Variants in MUC6 observed in about 807,000 individuals in gnomAD.
MUC6 encodes the protein mucin 6, oligomeric mucus/gel-forming (gene/pseudogene).
Under a neutral mutation model 201.5 loss-of-function variants are expected in MUC6, and 188 were observed. The observed-to-expected ratio is 0.93, with a 90% CI of 0.83 to 1.05. The LOEUF is 1.05. MUC6 is among the 50% of genes least tolerant of loss of function. The pLI is 0.00. For synonymous variants in MUC6, 1,228 were observed against 1,389.4 expected (o/e 0.88, Z 2.58); for missense variants, 2,706 against 3,256.9 (o/e 0.83, Z 4.12).
rs561092823 is a variant in MUC6 at position 1,029,721 on chromosome 11, C to G, written c.1016-106G>C. The G allele has an allele frequency of 1.1e-5, 16 of 1,401,982 alleles. No individual in the cohort carries two copies. The Admixed American group carries it at 2.6e-4, about 22-fold the overall frequency. 86.8% of individuals were successfully genotyped at this position (1,401,982 alleles called of 1,614,324 possible). A position where few individuals can be genotyped will look rare whatever the true frequency, so the allele number is the denominator to read the frequency against. ...CCTCCAGCCTGGCTCCAGGGAGACG[C>G]CCCCTCCAGCCTGGCTCCAGGGAGA... On this transcript the variant is annotated intron_variant, in intron 8 of 32. Transcript: ENST00000421673.
intron 29 of MUC6, 112 bp from the exon 30 acceptor site, chr11:1,019,608 C>G: frequency 1.0e-6 from 1 of 984,082 alleles, no homozygotes; most frequent in Non-Finnish European, 1.6e-6. Flanking sequence ...GTCCGGGACT[C>G]AGCCTCCTTG....
chr11:1,025,016 C>T lies in MUC6; in HGVS notation c.3053G>A (p.Arg1018Lys), dbSNP rs1292033382. The T allele has an allele frequency of 6.2e-7, 1 of 1,612,990 alleles. No homozygotes were observed. The highest frequency in any genetic ancestry group is 8.5e-7 in the Non-Finnish European group (1 of 1,179,852). The change falls in exon 24 of 33, where the codon AGG becomes AAG. Residue 1018 changes from arginine (R) to lysine (K), a missense_variant. Physicochemically the swap from Arg to Lys is conservative, Grantham distance 26. Transcript: ENST00000421673. ...NMKDDFETRS[R>K]YVASSELELV... is the part of the protein sequence containing the mutation. ...CTCCAGCTCGCTGGATGCCACGTAC[C>T]TGCTGCGCGTCTCGAAGTCGTCCTT... is the stretch of plus-strand genomic sequence containing the variant.
Position 1,016,044 on chromosome 11 carries a change from TG to T in MUC6, c.6756del (p.Arg2253GlyfsTer40), listed in dbSNP as rs1170991885. 2 of 1,611,536 alleles carry T rather than the reference TG, an allele frequency of 1.2e-6. No homozygotes were observed. The highest frequency in any genetic ancestry group is 8.5e-7 in the Non-Finnish European group (1 of 1,178,332). On this transcript the variant is annotated frameshift_variant, in exon 31 of 33. Transcript: ENST00000421673. LOFTEE classifies it high-confidence loss of function. ...ASSTIAFPST[P>X]RTTASTHTAP... ...GCGGTGTGGGTGCTGGCCGTGGTCC[TG>T]GGCGTGGACGGAAATGCAATGGTGC...
In MUC6 at chr11:1,033,555, C is replaced by T. The variant is rs939101109; in HGVS notation, c.53-480G>A. Among the ~76,000 whole-genome samples the T allele has an allele frequency of 2.6e-4, 39 of 150,648 alleles. No individual in the cohort carries two copies. Among genetic ancestry groups the T allele is most frequent in the African/African-American group, 8.8e-4 (36 of 40,910 alleles). On this transcript the variant is annotated intron_variant, in intron 1 of 32. Transcript: ENST00000421673. This position sits in a 1 kb window ranked among gnomAD's most constrained non-coding sequence, Gnocchi z 5.6. ...CCCTGCTCTCGGTGGCTCCGGGGCT[C>T]TAAACATGGCCGCTTTCCTGCACGT...
chr11:1,030,391 C>T, intron 7 of MUC6, 56 bp from the exon 8 acceptor site: 1 of 1,510,604 alleles, frequency 6.6e-7, no homozygotes. Flanking sequence ...CCCTCCCTGC[C>T]CCACCCCAGC....
chr11:1,025,699 C>T (rs1856939851), intron 22 of MUC6, 106 bp downstream of exon 22: 1 of 1,101,198 alleles, frequency 9.1e-7, no homozygotes, highest in Non-Finnish European at 1.3e-6. Flanking sequence ...GCGGGGAGGG[C>T]TGCATCTCGG....
Position 1,036,485 on chromosome 11 carries a change from C to T in MUC6, c.52+119G>A, listed in dbSNP as rs945764224. 4.2e-6 allele frequency: 5 copies of T among 1,183,258 alleles called. No individual in the cohort carries two copies. In the South Asian group the frequency reaches 7.6e-5, roughly 18 times the overall value. The allele number at this position is 1,183,258 out of a possible 1,614,324, so 73.3% of individuals were successfully genotyped here. On this transcript the variant is annotated intron_variant, in intron 1 of 32. Coordinates refer to ENST00000421673, the MANE Select transcript of MUC6 (RefSeq NM_005961.3). Reference sequence around the variant, plus strand: ...GGTCACGGAGCCGAGCTGGGGCCTCCCGTCCATCAGCGTCCATGTGGGCCA... The same window carrying T: ...GGTCACGGAGCCGAGCTGGGGCCTCTCGTCCATCAGCGTCCATGTGGGCCA...
At position 1,031,808 on chromosome 11, in the gene MUC6, C is replaced by A. The variant is rs1383424795; in HGVS notation, c.356+5G>T. ...AGCCCCCGGGCCCCGGCCCACCTGA[C>A]CTACCCGATGTCCTTGACTGAGATG... On this transcript the variant is annotated splice_donor_5th_base_variant and intron_variant, in intron 3 of 32. Coordinates refer to ENST00000421673, the MANE Select transcript of MUC6 (RefSeq NM_005961.3). 6.3e-7 allele frequency: 1 copy of A among 1,596,296 alleles called. No individual in the cohort carries two copies. The highest frequency in any genetic ancestry group is 1.1e-5 in the South Asian group (1 of 88,610).
intron 8 of MUC6, 27 bp downstream of exon 8, chr11:1,030,186 A>G (rs760512343): frequency 5.2e-6 from 8 of 1,546,392 alleles, no homozygotes; most frequent in Admixed American, 2.0e-5. Flanking sequence ...GGTCCCGGGG[A>G]GAGAGAGTGC....
Position 1,033,090 on chromosome 11 carries a change from C to G in MUC6, c.53-15G>C. 2 of 1,613,110 alleles carry G rather than the reference C, an allele frequency of 1.2e-6. No individual in the cohort carries two copies. The highest frequency in any genetic ancestry group is 2.2e-5 in the East Asian group (1 of 44,868). ...GTTAGCCAGACCTGTGTGGACGGGA[C>G]CCGCAGTCGGTGTGGGGCTACCCCG... On this transcript the variant is annotated splice_polypyrimidine_tract_variant and intron_variant, in intron 1 of 32. Transcript: ENST00000421673. The surrounding 1 kb of genome is among the most constrained non-coding windows in gnomAD (Gnocchi z 5.6).
In MUC6 at chr11:1,028,790, G is replaced by A. The variant is rs1590051840; in HGVS notation, c.1454-7C>T. The A allele has an allele frequency of 5.6e-6, 9 of 1,609,910 alleles. No individual in the cohort carries two copies. Among genetic ancestry groups the A allele is most frequent in the South Asian group, 3.3e-5 (3 of 91,064 alleles). ...CTGAAGACCGTGATGTTGCCTGCAG[G>A]ACGCAGTGCTCAGTGGGCCGTCTGG... On this transcript the variant is annotated splice_region_variant and splice_polypyrimidine_tract_variant and intron_variant, in intron 12 of 32. Coordinates refer to ENST00000421673, the MANE Select transcript of MUC6 (RefSeq NM_005961.3).
chr11:1,032,898 T>C, intron 2 of MUC6, 115 bp downstream of exon 2: 1 of 828,760 alleles, frequency 1.2e-6, no homozygotes, highest in East Asian at 2.6e-5. Flanking sequence ...TGTTGGTGCA[T>C]ATATGTGTGT....
intron 31 of MUC6, among the ~76,000 whole-genome samples, chr11:1,014,499 C>T (rs988979886): frequency 1.3e-5 from 2 of 152,142 alleles, no homozygotes; most frequent in African/African-American, 2.4e-5. Context: ...GGTCTGGGCT[C>T]CTGGAAGGGG....
chr11:1,033,222 A>G lies in MUC6; in HGVS notation c.53-147T>C, dbSNP rs758950985. ...CATGGCCCGTGGGGCTCGAGGCCTC[A>G]ACAGCAAGCCAAGCGCTTGGCCTCC... On this transcript the variant is annotated intron_variant, in intron 1 of 32. Transcript: ENST00000421673. This position sits in a 1 kb window ranked among gnomAD's most constrained non-coding sequence, Gnocchi z 5.6. The G allele has an allele frequency of 4.1e-6, 3 of 727,506 alleles. No homozygotes were observed. Among genetic ancestry groups the G allele is most frequent in the South Asian group, 3.1e-5 (2 of 63,588 alleles). 45.1% of individuals were successfully genotyped at this position (727,506 alleles called of 1,614,324 possible).
rs79748612 is a variant in MUC6 at position 1,018,341 on chromosome 11, G to T, written c.4460C>A (p.Pro1487Gln). 5.8e-5 allele frequency: 84 copies of T among 1,440,616 alleles called. No homozygotes were observed. The highest frequency in any genetic ancestry group is 8.3e-5 in the Admixed American group (4 of 48,172). 89.2% of individuals were successfully genotyped at this position (1,440,616 alleles called of 1,614,324 possible). A position where few individuals can be genotyped will look rare whatever the true frequency, so the allele number is the denominator to read the frequency against. The change falls in exon 31 of 33, where the codon CCA (proline) becomes CAA (glutamine). Residue 1487 changes from proline (P) to glutamine (Q), a missense_variant. Pro to Gln is a moderately conservative substitution (Grantham distance 76). Around this residue, in one of 10 missense-constraint regions of MUC6, gnomAD observed 128 missense variants for 206.5 expected, o/e 0.62. Coordinates refer to ENST00000421673, the MANE Select transcript of MUC6 (RefSeq NM_005961.3). ...GGACCCTGTGGCCTTGAGCGTTGTT[G>T]GTGGAGGAATGGTACCTGTTGGCGC... ...HSAPTGTIPP[P>Q]TTLKATGSTH...
chr11:1,019,602 G>A lies in MUC6; in HGVS notation c.3809-106C>T, dbSNP rs369642018. On this transcript the variant is annotated intron_variant, in intron 29 of 32. Transcript: ENST00000421673. ...TTCTGGGATCCCTGGCCTGCTGTCCGGGACTCAGCCTCCTTGGAGGGGCTC... is the reference window on the plus strand; with the variant it reads ...TTCTGGGATCCCTGGCCTGCTGTCCAGGACTCAGCCTCCTTGGAGGGGCTC... The A allele has an allele frequency of 2.5e-5, 26 of 1,034,338 alleles. No individual in the cohort carries two copies. The Admixed American group carries it at 3.7e-4, about 15-fold the overall frequency. 64.1% of individuals were successfully genotyped at this position (1,034,338 alleles called of 1,614,324 possible). A position where few individuals can be genotyped will look rare whatever the true frequency, so the allele number is the denominator to read the frequency against.
At chr11:1,036,106 C>G (rs887288222) in intron 1 of MUC6, among the ~76,000 whole-genome samples, 1 of 152,084 alleles carries the variant, frequency 6.6e-6, no homozygotes, top group Admixed American at 6.5e-5. Flanking sequence ...ACCTTCCCCC[C>G]TCTTCCCCCC....
intron 13 of MUC6, 81 bp from the exon 14 acceptor site, chr11:1,028,468 C>A: frequency 6.4e-7 from 1 of 1,561,208 alleles, no homozygotes; most frequent in South Asian, 1.2e-5. Flanking sequence ...AGCTCCCGTC[C>A]TTCCTCTAAC....
chr11:1,028,160 C>T, intron 14 of MUC6, 66 bp downstream of exon 14: 1 of 1,538,154 alleles, frequency 6.5e-7, no homozygotes, highest in Non-Finnish European at 8.8e-7. Context: ...GTGGTCCAGT[C>T]CAGGGGTCTG....
Sources: gnomAD v4.1 joint callset for allele counts (sites outside exome capture counted in the v4.1 genomes callset) on GRCh38, gnomAD v4.1.1 for gene constraint, gnomAD v4.1.1 regional missense constraint, Gnocchi (gnomAD v3.1) non-coding constraint, MANE v1.5 for transcripts, NCBI Gene and HGNC (gene_info 2026-07-23, HGNC 2026-07-21) for gene names.